The following THSD7A variants were observed in gnomAD, a reference collection of about 807,000 sequenced individuals.
The protein encoded by THSD7A is thrombospondin type 1 domain containing 7A, also known as thrombospondin type-1 domain-containing protein 7A.
A neutral mutation model predicts 231.3 loss-of-function variants in THSD7A; 96 were observed. The ratio of observed to expected loss-of-function variants is 0.41; its 90% CI spans 0.35 to 0.49. THSD7A has a LOEUF of 0.49. Among genes scored for constraint, THSD7A ranks in the 20% least tolerant of loss-of-function variants. The pLI is 0.05. For missense variants in THSD7A, 2,290 were observed against 2,070.2 expected, an observed-to-expected ratio of 1.11 and a Z score of -2.06; for synonymous variants, 940 against 743.3, an observed-to-expected ratio of 1.26 and a Z score of -4.30.
chr7:11,658,987 C>T (rs1782814863), intron 1 of THSD7A, among the ~76,000 whole-genome samples: 1 of 151,686 alleles, frequency 6.6e-6, no homozygotes, highest in African/African-American at 2.4e-5. Flanking sequence ...TTGACTCAAA[C>T]TGCACTTTTA....
At chr7:11,753,964 A>G (rs1412718688) in intron 1 of THSD7A, among the ~76,000 whole-genome samples, 2 of 152,016 alleles carry the variant, frequency 1.3e-5, no homozygotes, top group African/African-American at 2.4e-5. Flanking sequence ...AAACAGACAC[A>G]CTATGGAAAG....
At chr7:11,379,304 T>C (rs12670599) in intron 25 of THSD7A, 24 bp from the exon 26 acceptor site, 578,972 of 1,609,346 alleles carry the variant, frequency 0.36, 108,158 homozygotes, top group African/African-American at 0.57. Flanking sequence ...AGAAGATTTA[T>C]ACTAGCCATG....
intron 1 of THSD7A, among the ~76,000 whole-genome samples, chr7:11,788,134 C>T (rs958691905): frequency 1.3e-4 from 20 of 152,034 alleles, no homozygotes; most frequent in Admixed American, 2.6e-4. Context: ...TGATCTTTTG[C>T]ATCTAATCCT....
intron 1 of THSD7A, among the ~76,000 whole-genome samples, chr7:11,695,629 A>G (rs1780368088): frequency 6.6e-6 from 1 of 151,554 alleles, no homozygotes; most frequent in Admixed American, 6.6e-5. Flanking sequence ...AAATGAGAAA[A>G]GATGAAGGGA....
intron 2 of THSD7A, among the ~76,000 whole-genome samples, chr7:11,608,466 C>T (rs945714109): frequency 2.6e-5 from 4 of 152,074 alleles, no homozygotes; most frequent in Non-Finnish European, 4.4e-5. Context: ...AGGTTAAAGG[C>T]AAGAACCTCT....
At chr7:11,558,240 GT>G (rs756741494) in intron 4 of THSD7A, among the ~76,000 whole-genome samples, 89 of 152,180 alleles carry the variant, frequency 5.8e-4, no homozygotes, top group Non-Finnish European at 1.1e-3. Flanking sequence ...TTTATGGTTT[GT>G]TTTCTATACA....
At chr7:11,618,675 C>G (rs572961728) in intron 2 of THSD7A, among the ~76,000 whole-genome samples, 1 of 152,048 alleles carries the variant, frequency 6.6e-6, no homozygotes, top group African/African-American at 2.4e-5. Flanking sequence ...GTAGTCCCAG[C>G]TACTTGGGAC....
intron 6 of THSD7A, among the ~76,000 whole-genome samples, chr7:11,486,645 T>G (rs764848623): frequency 2.0e-5 from 3 of 152,224 alleles, no homozygotes; most frequent in Non-Finnish European, 4.4e-5. Flanking sequence ...CTTAGCTAGA[T>G]TTTGACTGTG....
chr7:11,433,461 A>C (rs141250202), intron 13 of THSD7A, among the ~76,000 whole-genome samples: 1 of 152,066 alleles, frequency 6.6e-6, no homozygotes, highest in Admixed American at 6.6e-5. Flanking sequence ...AATCAATGGC[A>C]TTATGACCAA....
At chr7:11,656,093 G>C (rs1562448319) in intron 1 of THSD7A, among the ~76,000 whole-genome samples, 1 of 151,798 alleles carries the variant, frequency 6.6e-6, no homozygotes, top group African/African-American at 2.4e-5. Flanking sequence ...TTCCCCTCAG[G>C]AGGCTATAAT....
At chr7:11,826,865 T>G (rs1785047205) in intron 1 of THSD7A, among the ~76,000 whole-genome samples, 1 of 151,870 alleles carries the variant, frequency 6.6e-6, no homozygotes, top group Admixed American at 6.6e-5. Flanking sequence ...TTAGTAACAT[T>G]AGTTATTCAT....
intron 4 of THSD7A, among the ~76,000 whole-genome samples, chr7:11,544,977 C>T (rs1298478890): frequency 6.6e-6 from 1 of 152,030 alleles, no homozygotes; most frequent in African/African-American, 2.4e-5. Context: ...TCATTGCTTT[C>T]CAGGAGCAGA....
chr7:11,761,484 G>T (rs1371047826), intron 1 of THSD7A, among the ~76,000 whole-genome samples: 1 of 151,936 alleles, frequency 6.6e-6, no homozygotes, highest in Non-Finnish European at 1.5e-5. Flanking sequence ...TTATATGTAT[G>T]TATATGTGTA....
chr7:11,809,133 A>G (rs1380524288), intron 1 of THSD7A, among the ~76,000 whole-genome samples: 1 of 152,186 alleles, frequency 6.6e-6, no homozygotes, highest in African/African-American at 2.4e-5. Context: ...AACAAAGATG[A>G]CTAAGACAGC....
At position 11,697,318 on chromosome 7, in the gene THSD7A, A is replaced by C. The variant is rs568130922; in HGVS notation, c.191-60357T>G. 1.8e-4 allele frequency among the ~76,000 whole-genome samples: 28 copies of C among 151,526 alleles called. No individual in the cohort carries two copies. The South Asian group carries it at 2.7e-3, about 15-fold the overall frequency. On this transcript the variant is annotated intron_variant, in intron 1 of 27. Coordinates refer to ENST00000423059, the MANE Select transcript of THSD7A (RefSeq NM_015204.3). ...ACTGTCAACTACCCATTAACTCTGT[A>C]AGGCTTAACTCATGCCCAGACGTCT... is the stretch of plus-strand genomic sequence containing the variant.
At chr7:11,457,825 C>T (rs752819327) in intron 11 of THSD7A, among the ~76,000 whole-genome samples, 1 of 152,066 alleles carries the variant, frequency 6.6e-6, no homozygotes, top group Non-Finnish European at 1.5e-5. Context: ...CTTTTATCCT[C>T]TCTACTTCTT....
intron 6 of THSD7A, among the ~76,000 whole-genome samples, chr7:11,500,825 A>G (rs1449765668): frequency 1.3e-5 from 2 of 151,816 alleles, no homozygotes; most frequent in African/African-American, 4.8e-5. Flanking sequence ...AATCCCAGCT[A>G]CTTGGGAGGC....
chr7:11,794,719 C>A (rs1451605503), intron 1 of THSD7A, among the ~76,000 whole-genome samples: 1 of 151,846 alleles, frequency 6.6e-6, no homozygotes, highest in Non-Finnish European at 1.5e-5. Flanking sequence ...AAAAATAAGT[C>A]TTTTTGCCAG....
intron 1 of THSD7A, among the ~76,000 whole-genome samples, chr7:11,804,258 C>A (rs1221055432): frequency 1.3e-5 from 2 of 151,916 alleles, no homozygotes; most frequent in Admixed American, 1.3e-4. Flanking sequence ...TAAGTAAAAT[C>A]TTTAGACATA....
Sources: allele counts gnomAD v4.1 joint callset (sites outside exome capture counted in the v4.1 genomes callset), GRCh38; gene constraint gnomAD v4.1.1; transcripts MANE v1.5; gene names NCBI Gene and HGNC (gene_info 2026-07-23, HGNC 2026-07-21).